PSMD3: variants seen among roughly 807,000 people sequenced by gnomAD.
The protein encoded by PSMD3 is proteasome 26S subunit, non-ATPase 3.
In PSMD3, 5 loss-of-function variants were observed where a neutral mutation model predicts 62.8. The observed-to-expected ratio is 0.08, with a 90% CI of 0.04 to 0.17. PSMD3 has a LOEUF of 0.17. PSMD3 is among the 10% of genes least tolerant of loss of function. PSMD3 has a pLI of 1.00. For missense variants in PSMD3, 524 were observed against 713.6 expected (o/e 0.73, Z 3.03); for synonymous variants, 265 against 283.9 (o/e 0.93, Z 0.67).
intron 3 of PSMD3, among the ~76,000 whole-genome samples, 164 bp from the exon 4 acceptor site, chr17:39,988,519 G>A (rs1208643401): frequency 6.6e-6 from 1 of 152,156 alleles, no homozygotes; most frequent in Non-Finnish European, 1.5e-5. Flanking sequence ...CTTTGGTTAT[G>A]AATAATGCTT....
rs547713552 is a variant in PSMD3, at chr17:39,997,874, G to A, written c.*293G>A. 4.3e-6 allele frequency: 2 copies of A among 470,392 alleles called. No homozygotes were observed. The highest frequency in any genetic ancestry group is 3.5e-5 in the Admixed American group (1 of 28,282). 29.1% of individuals were successfully genotyped at this position (470,392 alleles called of 1,614,324 possible). On this transcript the variant is annotated 3_prime_UTR_variant, in exon 12 of 12. Transcript: ENST00000264639. The stretch of plus-strand genomic sequence containing the variant: ...AGTTCTGTGTACTCCTTTAGGGAGT[G>A]GGGGACTAGAACTGGGATGTCTTGG...
intron 6 of PSMD3, chr17:39,994,742 C>A: frequency 1.7e-6 from 1 of 579,994 alleles, no homozygotes; most frequent in Non-Finnish European, 3.1e-6. Flanking sequence ...CAAATGTGAC[C>A]AAAGGGCCAC....
intron 1 of PSMD3, 95 bp downstream of exon 1, chr17:39,981,285 A>G (rs1980378148): frequency 2.0e-6 from 3 of 1,521,608 alleles, no homozygotes; most frequent in Non-Finnish European, 2.6e-6. Flanking sequence ...AGCCTCCACC[A>G]CCCTCAGTTC....
chr17:39,995,913 G>T lies in PSMD3; in HGVS notation c.1321-270G>T, dbSNP rs1035339554. 1 of 491,592 alleles carries T rather than the reference G, an allele frequency of 2.0e-6. No homozygotes were observed. The highest frequency in any genetic ancestry group is 1.9e-5 in the African/African-American group (1 of 51,356). The allele number at this position is 491,592 out of a possible 1,614,324, so 30.5% of individuals were successfully genotyped here. A position where few individuals can be genotyped will look rare whatever the true frequency, so the allele number is the denominator to read the frequency against. ...ATGGGCAGATCACCTGAGGTCAGGA[G>T]TTTGAGACAAGCCTGGCCAACTTGG... On this transcript the variant is annotated intron_variant, in intron 9 of 11. Coordinates refer to ENST00000264639, the MANE Select transcript of PSMD3 (RefSeq NM_002809.4). This position sits in a 1 kb window ranked among gnomAD's most constrained non-coding sequence, Gnocchi z 4.1.
chr17:39,981,032 G>A lies in PSMD3; in HGVS notation c.62G>A (p.Gly21Glu), dbSNP rs1390715567. 1 of 1,549,312 alleles carries A rather than the reference G, an allele frequency of 6.5e-7. No individual in the cohort carries two copies. The highest frequency in any genetic ancestry group is 1.8e-4 in the Middle Eastern group (1 of 5,434). Residue 21 changes from glycine to glutamate, a missense_variant, in exon 1 of 12, where the codon GGA (glycine) becomes GAA (glutamate). By Grantham distance (98) the Gly-to-Glu change is moderately conservative (BLOSUM62 -2). Coordinates refer to ENST00000264639, the MANE Select transcript of PSMD3 (RefSeq NM_002809.4). The part of the protein sequence containing the change: ...GADKAKPPPG[G>E]GEQEPPPPPA... ...GACAAGGCGAAACCGCCGCCCGGCGGAGGAGAACAAGAACCCCCACCGCCG... is the reference window on the plus strand; with the variant it reads ...GACAAGGCGAAACCGCCGCCCGGCGAAGGAGAACAAGAACCCCCACCGCCG...
intron 1 of PSMD3, among the ~76,000 whole-genome samples, chr17:39,982,160 G>C (rs1224505599): frequency 6.6e-6 from 1 of 152,192 alleles, no homozygotes; most frequent in African/African-American, 2.4e-5. Flanking sequence ...AGGATGTGAT[G>C]GTGTTGACTA....
chr17:39,981,456 A>G (rs769354899), intron 1 of PSMD3, among the ~76,000 whole-genome samples: 2 of 150,870 alleles, frequency 1.3e-5, no homozygotes, highest in Non-Finnish European at 3.0e-5. Flanking sequence ...GGGCCTGGGG[A>G]CTCCCTCTTT....
rs1453802133 is a variant in PSMD3, at chr17:39,990,132, C to T, written c.916C>T (p.Arg306Trp). Residue 306 changes from arginine to tryptophan, a missense_variant, in exon 6 of 12, where the codon CGG becomes TGG. Arg to Trp is a moderately radical substitution (Grantham distance 101). Around this residue, in one of 4 missense-constraint regions of PSMD3, gnomAD observed 396 missense variants for 475.8 expected, o/e 0.83. Transcript: ENST00000264639. The stretch of plus-strand genomic sequence containing the variant: ...CATCCAGCTGGAGTACTCAGAGGCC[C>T]GGAGAACGATGACCAACGCCCTTCG... ...KAIQLEYSEA[R>W]RTMTNALRKA... 3.7e-6 allele frequency: 6 copies of T among 1,614,052 alleles called. No individual in the cohort carries two copies. Among genetic ancestry groups the T allele is most frequent in the East Asian group, 2.2e-5 (1 of 44,890 alleles).
intron 3 of PSMD3, 32 bp downstream of exon 3, chr17:39,986,744 G>A: frequency 6.2e-7 from 1 of 1,611,112 alleles, no homozygotes; most frequent in Non-Finnish European, 8.5e-7. Flanking sequence ...CGATTCATAA[G>A]CCCCAAGTGA....
chr17:39,984,632 A>G, intron 2 of PSMD3, 148 bp downstream of exon 2: 1 of 714,988 alleles, frequency 1.4e-6, no homozygotes, highest in Non-Finnish European at 2.2e-6. Flanking sequence ...TCATCTGCAC[A>G]GTGACAAGGG....
rs1307816038 is a variant in PSMD3, at chr17:39,984,395, C to T, written c.322C>T (p.Leu108Phe). 7.4e-6 allele frequency: 12 copies of T among 1,613,750 alleles called. No individual in the cohort carries two copies. Among genetic ancestry groups the T allele is most frequent in the Non-Finnish European group, 1.0e-5 (12 of 1,180,036 alleles). Residue 108 changes from leucine (L) to phenylalanine (F), a missense_variant, in exon 2 of 12, where the codon CTC (leucine) becomes TTC (phenylalanine). Around this residue, in one of 4 missense-constraint regions of PSMD3, gnomAD observed 396 missense variants for 475.8 expected, o/e 0.83. Coordinates refer to ENST00000264639, the MANE Select transcript of PSMD3 (RefSeq NM_002809.4). ...GATGCTGCCTTCCACATCACGCCGC[C>T]TCAACCACTATGTTCTGTATAAGGC... ...LRMLPSTSRR[L>F]NHYVLYKAVQ...
rs1980762556 is a variant in PSMD3, at chr17:39,995,540, C to G, written c.1320+13C>G. 1 of 1,596,674 alleles carries G rather than the reference C, an allele frequency of 6.3e-7. No homozygotes were observed. The highest frequency in any genetic ancestry group is 1.3e-5 in the African/African-American group (1 of 74,506). On this transcript the variant is annotated intron_variant, in intron 9 of 11. Coordinates refer to ENST00000264639, the MANE Select transcript of PSMD3 (RefSeq NM_002809.4). The surrounding 1 kb of genome is among the most constrained non-coding windows in gnomAD (Gnocchi z 4.1). ...CATTGTTGCCAAGGTGGGGCTGGTT[C>G]AGGAACCACAGTGACCAGGTTGTCA...
At chr17:39,992,024 C>CAAAAAAAAAAAAAAAAAAAACAA (rs59894264) in intron 6 of PSMD3, among the ~76,000 whole-genome samples, 1 of 102,066 alleles carries the variant, frequency 9.8e-6, no homozygotes, top group Admixed American at 9.8e-5. Context: ...GACTCTGTCT[C>CAAAAAAAAAAAAAAAAAAAACAA]AAAAAAAAAC....
At chr17:39,984,244 G>T in intron 1 of PSMD3, 50 bp from the exon 2 acceptor site, 1 of 1,317,936 alleles carries the variant, frequency 7.6e-7, no homozygotes. Flanking sequence ...CTGGAGTGGT[G>T]GGGGACTAGG....
Position 39,988,639 on chromosome 17 carries a change from T to C in PSMD3, c.550-44T>C, listed in dbSNP as rs1044117195. The C allele has an allele frequency of 5.6e-6, 9 of 1,607,736 alleles. No individual in the cohort carries two copies. In the African/African-American group the frequency reaches 8.0e-5, roughly 14 times the overall value. On this transcript the variant is annotated intron_variant, in intron 3 of 11. Transcript: ENST00000264639. ...TCAAATGACAACTCCATGTTTATCC[T>C]TTTGAGGAACTGCCACTTGATTCTC...
At position 39,996,406 on chromosome 17, in the gene PSMD3, C is replaced by G; in HGVS notation, c.1476+68C>G. 6.4e-7 allele frequency: 1 copy of G among 1,552,730 alleles called. No individual in the cohort carries two copies. The highest frequency in any genetic ancestry group is 8.8e-7 in the Non-Finnish European group (1 of 1,141,148). Reference sequence around the variant, plus strand: ...ACCCCTCCCTCCACACTCATGGATTCCTCAGAGAAGACTGGCTTAATTTGT... The same window carrying G: ...ACCCCTCCCTCCACACTCATGGATTGCTCAGAGAAGACTGGCTTAATTTGT... On this transcript the variant is annotated intron_variant, in intron 10 of 11. Coordinates refer to ENST00000264639, the MANE Select transcript of PSMD3 (RefSeq NM_002809.4). The surrounding 1 kb of genome is among the most constrained non-coding windows in gnomAD (Gnocchi z 5.1).
At position 39,990,095 on chromosome 17, in the gene PSMD3, G is replaced by A. The variant is rs1269552953; in HGVS notation, c.879G>A (p.Gly293=). 4.3e-6 allele frequency: 7 copies of A among 1,613,830 alleles called. No individual in the cohort carries two copies. The highest frequency in any genetic ancestry group is 2.2e-5 in the East Asian group (1 of 44,890). The part of the protein sequence containing the change: ...NEWARYLYYT[G]RIKAIQLEYS... ...AACTCTCCTCTCCTCCACTCCCAGG[G>A]CGAATCAAAGCCATCCAGCTGGAGT... Residue 293 remains glycine (G), a splice_region_variant and synonymous_variant, in exon 6 of 12, where the codon GGG becomes GGA. Transcript: ENST00000264639.
At chr17:39,981,225 G>A in intron 1 of PSMD3, 35 bp downstream of exon 1, 1 of 1,547,774 alleles carries the variant, frequency 6.5e-7, no homozygotes, top group South Asian at 1.2e-5. Flanking sequence ...TGCCGCGATC[G>A]CGGGTGACAG....
chr17:39,981,535 CTGAT>C (rs997580194), intron 1 of PSMD3, among the ~76,000 whole-genome samples: 1 of 152,204 alleles, frequency 6.6e-6, no homozygotes, highest in Non-Finnish European at 1.5e-5. Flanking sequence ...CAATATATGA[CTGAT>C]TGTTCCCGCT....
Sources: gnomAD v4.1 joint callset for allele counts (sites outside exome capture counted in the v4.1 genomes callset) on GRCh38, gnomAD v4.1.1 for gene constraint, gnomAD v4.1.1 regional missense constraint, Gnocchi (gnomAD v3.1) non-coding constraint, MANE v1.5 for transcripts, NCBI Gene and HGNC (gene_info 2026-07-23, HGNC 2026-07-21) for gene names.